CACNA1D: variants seen among roughly 807,000 people sequenced by gnomAD.
CACNA1D encodes voltage-dependent L-type calcium channel subunit alpha-1D.
CACNA1D carries 55 observed loss-of-function variants against 257.1 expected under a neutral mutation model. The observed-to-expected ratio is 0.21, with a 90% confidence interval of 0.17 to 0.27. CACNA1D has a LOEUF of 0.27. CACNA1D is among the 10% of genes least tolerant of loss of function. The probability of loss-of-function intolerance (pLI) is 1.00; values close to 1 mark genes in which losing one functional copy is unlikely to be tolerated. For synonymous variants in CACNA1D, 980 were observed against 1,014.9 expected (o/e 0.97, Z 0.65); for missense variants, 1,876 against 2,784.0 (o/e 0.67, Z 7.34).
chr3:53,755,788 T>C (rs1264565551), intron 29 of CACNA1D, among the ~76,000 whole-genome samples: 1 of 152,112 alleles, frequency 6.6e-6, no homozygotes, highest in Non-Finnish European at 1.5e-5. Context: ...AATGCCCTCC[T>C]TAAAATTTTT....
intron 3 of CACNA1D, among the ~76,000 whole-genome samples, chr3:53,560,081 T>C (rs569506195): frequency 3.6e-5 from 4 of 110,612 alleles, no homozygotes; most frequent in Admixed American, 1.7e-4. Flanking sequence ...TTTTTTTTTT[T>C]CCTTTGTTGG....
At chr3:53,680,751 A>T (rs1264608296) in intron 8 of CACNA1D, among the ~76,000 whole-genome samples, 1 of 152,206 alleles carries the variant, frequency 6.6e-6, no homozygotes, top group African/African-American at 2.4e-5. Flanking sequence ...GATATTTAGG[A>T]GTTTAATAAT....
At chr3:53,688,109 T>C (rs1195426622) in intron 8 of CACNA1D, among the ~76,000 whole-genome samples, 1 of 152,230 alleles carries the variant, frequency 6.6e-6, no homozygotes, top group Admixed American at 6.5e-5. Context: ...AAAATCTATG[T>C]CTACAAAATG....
intron 3 of CACNA1D, among the ~76,000 whole-genome samples, chr3:53,511,847 T>C (rs778575817): frequency 6.6e-5 from 10 of 152,164 alleles, no homozygotes; most frequent in Non-Finnish European, 1.2e-4. Flanking sequence ...GATACAGGAA[T>C]TTATGCAAAG....
Position 53,494,992 on chromosome 3 carries a change from A to G in CACNA1D, c.-175A>G, listed in dbSNP as rs2090285131. Reference sequence around the variant, plus strand: ...TGGCGAGCGGTTTTTTTTTTAAATCAATTATCCTTATTTTCTGTTATTTGT... The same window carrying G: ...TGGCGAGCGGTTTTTTTTTTAAATCGATTATCCTTATTTTCTGTTATTTGT... On this transcript the variant is annotated 5_prime_UTR_variant, in exon 1 of 48. Transcript: ENST00000350061. 4.7e-6 allele frequency: 2 copies of G among 421,450 alleles called. No homozygotes were observed. Among genetic ancestry groups the G allele is most frequent in the African/African-American group, 4.1e-5 (2 of 48,734 alleles). The allele number at this position is 421,450 out of a possible 1,614,324, so 26.1% of individuals were successfully genotyped here.
intron 3 of CACNA1D, among the ~76,000 whole-genome samples, chr3:53,591,607 A>C (rs979352257): frequency 1.3e-5 from 2 of 151,970 alleles, no homozygotes; most frequent in Admixed American, 1.3e-4. Context: ...ATGTCTCCGG[A>C]CTCTGAGCCT....
Position 53,793,124 on chromosome 3 carries a change from T to C in CACNA1D, c.4923+6172T>C, listed in dbSNP as rs145191742. 7.9e-3 allele frequency among the ~76,000 whole-genome samples: 1,199 copies of C among 152,192 alleles called. 5 individuals carry two copies. The highest frequency in any genetic ancestry group is 0.012 in the Non-Finnish European group (787 of 67,982). On this transcript the variant is annotated intron_variant, in intron 40 of 47. Coordinates refer to ENST00000350061, the MANE Select transcript of CACNA1D (RefSeq NM_001128840.3). The surrounding 1 kb of genome is among the most constrained non-coding windows in gnomAD (Gnocchi z 4.1). Reference sequence around the variant, plus strand: ...AACCGCTGTTACCCTAGCACCTGAGTCTCCTTCCCCACTGCCAGCAGCCCA... The same window carrying C: ...AACCGCTGTTACCCTAGCACCTGAGCCTCCTTCCCCACTGCCAGCAGCCCA...
In CACNA1D at chr3:53,633,682, T is replaced by C. The variant is rs115492850; in HGVS notation, c.484-17097T>C. 3.0e-3 allele frequency among the ~76,000 whole-genome samples: 456 copies of C among 152,340 alleles called. 1 individual carries two copies. Among genetic ancestry groups the C allele is most frequent in the Middle Eastern group, 0.02 (6 of 294 alleles). ...AAAAGTTAATAGCAAACTAGTATAG[T>C]GTTGGCTCCACAGACGTGCTTTTCA... On this transcript the variant is annotated intron_variant, in intron 3 of 47. Transcript: ENST00000350061.
At chr3:53,502,467 C>CT (rs1166614718) in intron 3 of CACNA1D, among the ~76,000 whole-genome samples, 8 of 149,282 alleles carry the variant, frequency 5.4e-5, no homozygotes, top group African/African-American at 1.7e-4. Context: ...ATTCTTTAAA[C>CT]ATTTTTTTTT....
chr3:53,745,621 C>T lies in CACNA1D; in HGVS notation c.3007-3C>T, dbSNP rs1288167043. 2 of 1,602,236 alleles carry T rather than the reference C, an allele frequency of 1.2e-6. No homozygotes were observed. The highest frequency in any genetic ancestry group is 1.7e-6 in the Non-Finnish European group (2 of 1,169,188). On this transcript the variant is annotated splice_region_variant and splice_polypyrimidine_tract_variant and intron_variant, in intron 23 of 47. Transcript: ENST00000350061. ...GAGTCACGCCCCTCTGCCCTCTCCG[C>T]AGCACGTGGTCCAGTGCGTCTTCGT...
At chr3:53,621,193 C>T (rs957430213) in intron 3 of CACNA1D, among the ~76,000 whole-genome samples, 10 of 151,956 alleles carry the variant, frequency 6.6e-5, no homozygotes, top group South Asian at 4.2e-4. Flanking sequence ...TCAATATGGA[C>T]GGGACTGGGG....
chr3:53,691,765 AAT>A (rs1385660170), intron 8 of CACNA1D, among the ~76,000 whole-genome samples: 48 of 118,958 alleles, frequency 4.0e-4, no homozygotes, highest in South Asian at 2.5e-3. Context: ...TATTACATAT[AAT>A]ATATATATTA....
At chr3:53,505,644 C>A (rs1046376801) in intron 3 of CACNA1D, among the ~76,000 whole-genome samples, 2 of 152,200 alleles carry the variant, frequency 1.3e-5, no homozygotes, top group Admixed American at 1.3e-4. Context: ...GGATTTCTTG[C>A]AGGTCCTTAG....
At chr3:53,515,914 G>A (rs1030201111) in intron 3 of CACNA1D, among the ~76,000 whole-genome samples, 7 of 152,202 alleles carry the variant, frequency 4.6e-5, no homozygotes, top group African/African-American at 1.7e-4. Context: ...GCTCTGCCCT[G>A]CTCTGGCTCT....
At chr3:53,503,717 C>T (rs1304055264) in intron 3 of CACNA1D, among the ~76,000 whole-genome samples, 1 of 152,210 alleles carries the variant, frequency 6.6e-6, no homozygotes, top group East Asian at 1.9e-4. Context: ...CCCTTTTGCA[C>T]CCCTTCTCCA....
chr3:53,649,381 G>T (rs1401016168), intron 3 of CACNA1D, among the ~76,000 whole-genome samples: 2 of 152,156 alleles, frequency 1.3e-5, no homozygotes, highest in East Asian at 1.9e-4. Context: ...ATAGCAAAGT[G>T]CTTTTTTTCC....
At chr3:53,733,999 CATAT>C (rs1257472510) in intron 19 of CACNA1D, among the ~76,000 whole-genome samples, 2 of 97,850 alleles carry the variant, frequency 2.0e-5, no homozygotes, top group African/African-American at 4.5e-5. Context: ...TATACATATA[CATAT>C]ATATATGTGT....
chr3:53,665,550 A>G, intron 5 of CACNA1D, 110 bp from the exon 6 acceptor site: 3 of 860,080 alleles, frequency 3.5e-6, no homozygotes, highest in Non-Finnish European at 5.8e-6. Flanking sequence ...TACCTCTTTG[A>G]ATTTTATTAC....
chr3:53,520,899 CTTTTCTTTT>C (rs2091543491), intron 3 of CACNA1D, among the ~76,000 whole-genome samples: 1 of 98,118 alleles, frequency 1.0e-5, no homozygotes, highest in Non-Finnish European at 2.1e-5. Context: ...TCTTTCTTTT[CTTTTCTTTT>C]CTTTTCTTTT....
Sources: allele counts gnomAD v4.1 joint callset (sites outside exome capture counted in the v4.1 genomes callset), GRCh38; gene constraint gnomAD v4.1.1; non-coding constraint Gnocchi (gnomAD v3.1); transcripts MANE v1.5; gene names NCBI Gene and HGNC (gene_info 2026-07-23, HGNC 2026-07-21).